Variants in MTMR8 observed in about 807,000 individuals in gnomAD.
The protein encoded by MTMR8 is phosphatidylinositol-3,5-bisphosphate 3-phosphatase MTMR8.
Under a neutral mutation model 39.3 loss-of-function variants are expected in MTMR8, and 65 were observed. That is an observed-to-expected ratio of 1.65 (90% CI 1.35 to 2.03). The LOEUF is 2.03. MTMR8 is among the 30% of genes most tolerant of loss of function. The pLI is 0.00. For synonymous variants in MTMR8, 245 were observed against 185.2 expected, an observed-to-expected ratio of 1.32 and a Z score of -2.62; for missense variants, 777 against 538.9, an observed-to-expected ratio of 1.44 and a Z score of -4.37.
At chrX:64,364,204 G>A (rs993932984) in intron 1 of MTMR8, among the ~76,000 whole-genome samples, 1 of 112,583 alleles carries the variant, frequency 8.9e-6, no homozygotes. Flanking sequence ...AGACTTAAAT[G>A]TCCCTGTCTG....
intron 12 of MTMR8, among the ~76,000 whole-genome samples, chrX:64,300,127 G>C (rs950581648): frequency 9.6e-6 from 1 of 103,878 alleles, no homozygotes; most frequent in Non-Finnish European, 2.0e-5. Flanking sequence ...TCAATTCCTG[G>C]GTATCCTTGT....
chrX:64,273,055 A>T (rs2147125205), intron 12 of MTMR8, among the ~76,000 whole-genome samples: 1 of 111,694 alleles, frequency 9.0e-6, no homozygotes, highest in Non-Finnish European at 1.9e-5. Flanking sequence ...TTCTCCTTAG[A>T]TTGAAAGGGA....
rs758125158 is a variant in MTMR8, at chrX:64,345,192, G to A, written c.733-15C>T. ...ATGGCATTCAACTGCAATAGCAGAG[G>A]ACATAATAGAGCAGATAGGCCAGAT... On this transcript the variant is annotated splice_polypyrimidine_tract_variant and intron_variant, in intron 6 of 13. Coordinates refer to ENST00000374852, the MANE Select transcript of MTMR8 (RefSeq NM_017677.4). 4 of 1,207,631 alleles carry A rather than the reference G, an allele frequency of 3.3e-6. No homozygotes were observed. The highest frequency in any genetic ancestry group is 3.4e-6 in the Non-Finnish European group (3 of 892,872).
chrX:64,385,648 A>C (rs1924537327), intron 1 of MTMR8, among the ~76,000 whole-genome samples: 1 of 111,437 alleles, frequency 9.0e-6, no homozygotes, highest in African/African-American at 3.3e-5. Flanking sequence ...AAGGGAGAGC[A>C]GGCATCTCAC....
At chrX:64,287,185 G>T (rs1432912842) in intron 12 of MTMR8, among the ~76,000 whole-genome samples, 1 of 111,339 alleles carries the variant, frequency 9.0e-6, no homozygotes, top group Non-Finnish European at 1.9e-5. Context: ...CAAACAGAGA[G>T]CCAAATCATG....
At chrX:64,305,678 G>T (rs757352116) in intron 12 of MTMR8, 1 of 530,866 alleles carries the variant, frequency 1.9e-6, no homozygotes, top group Non-Finnish European at 3.5e-6. Flanking sequence ...TTTGTTCATT[G>T]CCAGCACCAG....
intron 1 of MTMR8, among the ~76,000 whole-genome samples, chrX:64,380,789 C>T (rs971840487): frequency 2.7e-5 from 3 of 111,201 alleles, no homozygotes; most frequent in Non-Finnish European, 5.7e-5. Flanking sequence ...GTTCCCCTTG[C>T]TGTGTCCATG....
At chrX:64,374,942 G>A (rs1305603952) in intron 1 of MTMR8, among the ~76,000 whole-genome samples, 8 of 107,934 alleles carry the variant, frequency 7.4e-5, no homozygotes, top group Non-Finnish European at 1.5e-4. Context: ...CAATAAGGAA[G>A]GATTCTCCCT....
chrX:64,278,005 C>G (rs1215533108), intron 12 of MTMR8, among the ~76,000 whole-genome samples: 2 of 108,566 alleles, frequency 1.8e-5, no homozygotes, highest in African/African-American at 6.7e-5. Context: ...ATCTTTTCTT[C>G]TGCTTGGTCA....
intron 12 of MTMR8, among the ~76,000 whole-genome samples, chrX:64,304,871 TATATATATATATATATATATA>T (rs1468475105): frequency 2.6e-5 from 1 of 39,034 alleles, no homozygotes; most frequent in African/African-American, 8.1e-4. Flanking sequence ...TATATATATA[TATATATATATATATATATATA>T]TATATATATA....
chrX:64,322,328 G>A lies in MTMR8; in HGVS notation c.1481+6444C>T, dbSNP rs1021052075. 3.6e-5 allele frequency among the ~76,000 whole-genome samples: 4 copies of A among 110,957 alleles called. No homozygotes were observed. The East Asian group carries it at 1.1e-3, about 31-fold the overall frequency. On this transcript the variant is annotated intron_variant, in intron 12 of 13. Transcript: ENST00000374852. The stretch of plus-strand genomic sequence containing the variant: ...TGCTTGTATTTTGTTGAGGATTTTT[G>A]CATTCATGTTCATCAGGGGTATTGG...
At chrX:64,289,280 T>G (rs1295341720) in intron 12 of MTMR8, among the ~76,000 whole-genome samples, 2 of 110,797 alleles carry the variant, frequency 1.8e-5, no homozygotes, top group Non-Finnish European at 3.8e-5. Flanking sequence ...TAACAAGTTT[T>G]GGTGAGGATG....
In MTMR8 at chrX:64,278,459, G is replaced by GTTTTTTTTTT. The variant is rs1931928205; in HGVS notation, c.1482-7387_1482-7386insAAAAAAAAAA. ...TGATGTTGATGCTATTTATTTTGCT[G>GTTTTTTTTTT]GTTTTTTTTTTTTTTTTTTTTTTTT... On this transcript the variant is annotated intron_variant, in intron 12 of 13. Transcript: ENST00000374852. Among the ~76,000 whole-genome samples, 44 of 49,853 alleles carry GTTTTTTTTTT rather than the reference G, an allele frequency of 8.8e-4. 15 individuals are homozygous for GTTTTTTTTTT. Among genetic ancestry groups the GTTTTTTTTTT allele is most frequent in the African/African-American group, 4.9e-3 (43 of 8,738 alleles). 43.3% of individuals were successfully genotyped at this position (49,853 alleles called of 115,157 possible). A position where few individuals can be genotyped will look rare whatever the true frequency, so the allele number is the denominator to read the frequency against.
intron 1 of MTMR8, among the ~76,000 whole-genome samples, chrX:64,383,366 T>C (rs1320559846): frequency 9.1e-6 from 1 of 109,419 alleles, no homozygotes; most frequent in African/African-American, 3.3e-5. Flanking sequence ...GTATTATATA[T>C]ATGATATAAT....
chrX:64,301,878 G>C (rs765665307), intron 12 of MTMR8, among the ~76,000 whole-genome samples: 14 of 111,937 alleles, frequency 1.3e-4, no homozygotes, highest in Non-Finnish European at 2.4e-4. Context: ...TAGGCTGCTT[G>C]GGGGTCAGGG....
chrX:64,371,155 CAATT>C (rs766806472), intron 1 of MTMR8, among the ~76,000 whole-genome samples: 29 of 111,856 alleles, frequency 2.6e-4, no homozygotes, highest in Non-Finnish European at 4.5e-4. Context: ...CTAGCTCAAT[CAATT>C]AACAAATCAA....
At chrX:64,303,884 A>C (rs184294728) in intron 12 of MTMR8, among the ~76,000 whole-genome samples, 1 of 112,354 alleles carries the variant, frequency 8.9e-6, no homozygotes, top group Non-Finnish European at 1.9e-5. Flanking sequence ...CTGTAAATTT[A>C]CCTCATGCAA....
At chrX:64,364,816 G>T (rs768171790) in intron 1 of MTMR8, among the ~76,000 whole-genome samples, 1 of 111,857 alleles carries the variant, frequency 8.9e-6, no homozygotes, top group Non-Finnish European at 1.9e-5. Flanking sequence ...ACTTCTACGA[G>T]CTAAAGAAGG....
At position 64,268,524 on chromosome X, in the gene MTMR8, A is replaced by T. The variant is rs765850036; in HGVS notation, c.*13T>A. Reference sequence around the variant, plus strand: ...GCTGTAGGTATACCTAGCATGGAAGATGAGTAACTAACTCACTGATGCTTG... The same window carrying T: ...GCTGTAGGTATACCTAGCATGGAAGTTGAGTAACTAACTCACTGATGCTTG... On this transcript the variant is annotated 3_prime_UTR_variant, in exon 14 of 14. Transcript: ENST00000374852. 8.4e-7 allele frequency: 1 copy of T among 1,191,869 alleles called. No individual in the cohort carries two copies. Among genetic ancestry groups the T allele is most frequent in the Admixed American group, 2.3e-5 (1 of 43,322 alleles).
Sources: gnomAD v4.1 joint callset for allele counts (sites outside exome capture counted in the v4.1 genomes callset) on GRCh38, gnomAD v4.1.1 for gene constraint, MANE v1.5 for transcripts, NCBI Gene and HGNC (gene_info 2026-07-23, HGNC 2026-07-21) for gene names.